WDR59: variants seen among roughly 807,000 people sequenced by gnomAD.
The protein encoded by WDR59 is GATOR2 complex protein WDR59.
A neutral mutation model predicts 131.2 loss-of-function variants in WDR59; 100 were observed. That is an observed-to-expected ratio of 0.76 (90% confidence interval 0.65 to 0.90). The LOEUF (loss-of-function observed/expected upper bound fraction) is 0.90, where lower values mean the gene tolerates loss of function less well. Ranked by LOEUF, WDR59 falls within the 40% of genes least tolerant of loss-of-function variation. The pLI is 0.00. For synonymous variants in WDR59, 601 were observed against 466.2 expected (o/e 1.29, Z -3.72); for missense variants, 1,203 against 1,262.2 (o/e 0.95, Z 0.71).
chr16:74,942,816 G>T lies in WDR59; in HGVS notation c.456C>A (p.Ser152=). ...TVALSAVAGA[S]QVKWNKKNAN... ...CATTTTTTTTATTCCATTTGACCTGGGAGGCACCCGCTGCAAAGAAAAATC... is the reference window on the plus strand; with the variant it reads ...CATTTTTTTTATTCCATTTGACCTGTGAGGCACCCGCTGCAAAGAAAAATC... Residue 152 remains serine (S), a synonymous_variant, in exon 7 of 26, where the codon TCC becomes TCA. Transcript: ENST00000262144. The T allele has an allele frequency of 6.2e-7, 1 of 1,613,434 alleles. No homozygotes were observed. Among genetic ancestry groups the T allele is most frequent in the Non-Finnish European group, 8.5e-7 (1 of 1,179,780 alleles).
chr16:74,950,219 G>T (rs2032916397), intron 4 of WDR59, among the ~76,000 whole-genome samples: 1 of 152,160 alleles, frequency 6.6e-6, no homozygotes, highest in South Asian at 2.1e-4. Flanking sequence ...GCACACACCT[G>T]TAATCCCAGC....
chr16:74,876,731 C>T (rs1041911933), intron 25 of WDR59, among the ~76,000 whole-genome samples: 6 of 152,126 alleles, frequency 3.9e-5, no homozygotes, highest in Middle Eastern at 3.2e-3. Flanking sequence ...GACGCTCTCC[C>T]TTGCCTCTGC....
At chr16:74,936,235 C>A (rs535444035) in intron 8 of WDR59, among the ~76,000 whole-genome samples, 1 of 152,210 alleles carries the variant, frequency 6.6e-6, no homozygotes, top group South Asian at 2.1e-4. Flanking sequence ...TTTCCTAGGA[C>A]ATCAACCCTC....
At chr16:74,947,788 G>A (rs1036207417) in intron 6 of WDR59, among the ~76,000 whole-genome samples, 9 of 151,922 alleles carry the variant, frequency 5.9e-5, no homozygotes, top group Non-Finnish European at 1.3e-4. Context: ...AATCACAAGA[G>A]GGCCGGGCAT....
intron 1 of WDR59, 198 bp downstream of exon 1, chr16:74,984,765 CG>C: frequency 1.5e-6 from 1 of 678,564 alleles, no homozygotes; most frequent in Middle Eastern, 4.1e-4. Flanking sequence ...CCCGAAACTC[CG>C]TCCATGCTCG....
At chr16:74,898,216 A>T (rs1021729109) in intron 18 of WDR59, among the ~76,000 whole-genome samples, 1 of 152,172 alleles carries the variant, frequency 6.6e-6, no homozygotes, top group Non-Finnish European at 1.5e-5. Context: ...ACATGAGGCT[A>T]AGGTGTGGTT....
At position 74,949,742 on chromosome 16, in the gene WDR59, G is replaced by A; in HGVS notation, c.383C>T (p.Thr128Ile). The A allele has an allele frequency of 6.2e-7, 1 of 1,613,908 alleles. No individual in the cohort carries two copies. ...PDLLVTSSVD[T>I]YIYIWDIKDT... is the part of the protein sequence containing the mutation. The stretch of plus-strand genomic sequence containing the variant: ...CTTGATATCCCAAATGTAGATGTAG[G>A]TGTCCACAGAGCTGGTAACCAGGAG... Residue 128 changes from threonine (T) to isoleucine (I), a missense_variant, in exon 5 of 26, where the codon ACC (threonine) becomes ATC (isoleucine). By Grantham distance (89) the Thr-to-Ile change is moderately conservative. Coordinates refer to ENST00000262144, the MANE Select transcript of WDR59 (RefSeq NM_030581.4).
intron 8 of WDR59, among the ~76,000 whole-genome samples, chr16:74,932,079 A>G (rs2031440314): frequency 1.3e-5 from 2 of 149,638 alleles, no homozygotes; most frequent in Admixed American, 1.3e-4. Context: ...ATATATACAC[A>G]TATATATATT....
In WDR59 at chr16:74,917,900, A is replaced by C. The variant is rs113635253; in HGVS notation, c.966+29T>G. Reference sequence around the variant, plus strand: ...TACACTTTTTGGTGGATTCAGGTACATTTCTCCACAATAGCACTGCATACA... The same window carrying C: ...TACACTTTTTGGTGGATTCAGGTACCTTTCTCCACAATAGCACTGCATACA... On this transcript the variant is annotated intron_variant, in intron 11 of 25. Coordinates refer to ENST00000262144, the MANE Select transcript of WDR59 (RefSeq NM_030581.4). 3.1e-4 allele frequency: 494 copies of C among 1,600,062 alleles called. 5 individuals carry two copies. In the African/African-American group the frequency reaches 5.6e-3, roughly 18 times the overall value.
intron 25 of WDR59, among the ~76,000 whole-genome samples, chr16:74,879,913 T>C (rs1033868636): frequency 1.3e-5 from 2 of 152,126 alleles, no homozygotes; most frequent in African/African-American, 4.8e-5. Flanking sequence ...GGGCTGGGTG[T>C]GGCAGCTCAT....
At chr16:74,920,544 G>C (rs536805737) in intron 10 of WDR59, among the ~76,000 whole-genome samples, 2 of 152,160 alleles carry the variant, frequency 1.3e-5, no homozygotes, top group African/African-American at 4.8e-5. Context: ...GGGACTACAG[G>C]CATGCACTGC....
chr16:74,922,264 A>G (rs567364549), intron 9 of WDR59, among the ~76,000 whole-genome samples, 161 bp from the exon 10 acceptor site: 2 of 152,384 alleles, frequency 1.3e-5, no homozygotes, highest in Non-Finnish European at 2.9e-5. Context: ...TAGGCTGCAC[A>G]TCGCGTCTAC....
chr16:74,912,220 G>T lies in WDR59; in HGVS notation c.1367C>A (p.Thr456Asn). The T allele has an allele frequency of 6.2e-7, 1 of 1,614,174 alleles. No homozygotes were observed. Among genetic ancestry groups the T allele is most frequent in the Non-Finnish European group, 8.5e-7 (1 of 1,180,036 alleles). ...QFINPTTITS[T>N]MKAKLLKILK... ...CACCTTCAGCAGCTTAGCTTTCATG[G>T]TGGATGTGATGGTTGTGGGGTTAAT... Residue 456 changes from threonine to asparagine, a missense_variant, in exon 14 of 26, where the codon ACC becomes AAC. Thr to Asn is a moderately conservative substitution (Grantham distance 65, BLOSUM62 0). Transcript: ENST00000262144.
At chr16:74,967,533 G>A (rs1263666709) in intron 1 of WDR59, among the ~76,000 whole-genome samples, 1 of 152,124 alleles carries the variant, frequency 6.6e-6, no homozygotes, top group East Asian at 1.9e-4. Flanking sequence ...GGGATTTTAT[G>A]GATGTAATTA....
chr16:74,961,000 T>C (rs974183926), intron 2 of WDR59, among the ~76,000 whole-genome samples: 6 of 152,000 alleles, frequency 3.9e-5, no homozygotes, highest in Admixed American at 6.6e-5. Flanking sequence ...ACTACACATA[T>C]TGTAAAATTC....
At chr16:74,965,226 T>C (rs1316723890) in intron 2 of WDR59, among the ~76,000 whole-genome samples, 1 of 152,118 alleles carries the variant, frequency 6.6e-6, no homozygotes, top group African/African-American at 2.4e-5. Context: ...AATAGTACGA[T>C]GTTAGGGTTA....
Position 74,887,896 on chromosome 16 carries a change from A to T in WDR59, c.2347-141T>A, listed in dbSNP as rs138088006. 1,479 of 920,586 alleles carry T rather than the reference A, an allele frequency of 1.6e-3. 12 individuals carry two copies. In the African/African-American group the frequency reaches 0.022, roughly 14 times the overall value. The allele number at this position is 920,586 out of a possible 1,614,324, so 57.0% of individuals were successfully genotyped here. On this transcript the variant is annotated intron_variant, in intron 22 of 25. Coordinates refer to ENST00000262144, the MANE Select transcript of WDR59 (RefSeq NM_030581.4). ...AGTTTGGGAGGCCAAGGAAGGTGGA[A>T]CACCTGAGGTCAGGGGTTCGAGACC... is the stretch of plus-strand genomic sequence containing the variant.
intron 1 of WDR59, among the ~76,000 whole-genome samples, chr16:74,977,660 C>T (rs1301480110): frequency 6.6e-6 from 1 of 151,892 alleles, no homozygotes; most frequent in African/African-American, 2.4e-5. Flanking sequence ...TGCACTCCAG[C>T]GTAGATAACA....
At chr16:74,940,130 G>A (rs1416511612) in intron 7 of WDR59, among the ~76,000 whole-genome samples, 2 of 152,156 alleles carry the variant, frequency 1.3e-5, no homozygotes, top group African/African-American at 2.4e-5. Context: ...TGTAATCCCA[G>A]CACCTTGGGA....
Sources: allele counts gnomAD v4.1 joint callset (sites outside exome capture counted in the v4.1 genomes callset), GRCh38; gene constraint gnomAD v4.1.1; transcripts MANE v1.5; gene names NCBI Gene and HGNC (gene_info 2026-07-23, HGNC 2026-07-21).